The following MAD1L1 variants were observed in gnomAD, a reference collection of about 807,000 sequenced individuals.
The protein encoded by MAD1L1 is mitotic arrest deficient 1 like 1.
MAD1L1 carries 95 observed loss-of-function variants against 96.9 expected under a neutral mutation model. The ratio of observed to expected loss-of-function variants is 0.98; its 90% CI spans 0.83 to 1.16. The LOEUF is 1.16. Ranked by LOEUF, MAD1L1 falls within the 50% of genes most tolerant of loss-of-function variation. The pLI is 0.00. For missense variants in MAD1L1, 1,007 were observed against 954.4 expected, an observed-to-expected ratio of 1.06 and a Z score of -0.73; for synonymous variants, 473 against 396.6, an observed-to-expected ratio of 1.19 and a Z score of -2.29.
intron 10 of MAD1L1, among the ~76,000 whole-genome samples, chr7:2,156,210 T>A (rs1280773527): frequency 2.7e-5 from 4 of 148,542 alleles, no homozygotes; most frequent in African/African-American, 1.0e-4. Context: ...GGGCGCACGG[T>A]TTCACGGCGC....
At chr7:2,034,115 C>T (rs1783356033) in intron 12 of MAD1L1, among the ~76,000 whole-genome samples, 2 of 151,868 alleles carry the variant, frequency 1.3e-5, no homozygotes, top group Admixed American at 1.3e-4. Flanking sequence ...AAATAAATAA[C>T]AAATGAATCA....
intron 16 of MAD1L1, among the ~76,000 whole-genome samples, chr7:1,949,700 G>A (rs764185047): frequency 1.1e-4 from 16 of 152,244 alleles, no homozygotes; most frequent in Non-Finnish European, 1.9e-4. Flanking sequence ...TTTCTCTGCA[G>A]ATACGCCCAG....
intron 10 of MAD1L1, among the ~76,000 whole-genome samples, chr7:2,153,300 T>A (rs1405914830): frequency 6.6e-6 from 1 of 151,982 alleles, no homozygotes; most frequent in African/African-American, 2.4e-5. Context: ...AATAAGGGAC[T>A]AACATCCAAA....
chr7:1,829,614 G>A (rs1198047496), intron 18 of MAD1L1: 3 of 152,048 alleles, frequency 2.0e-5, no homozygotes, highest in Non-Finnish European at 2.9e-5. Context: ...GTTGCCAGTG[G>A]TGGGGACAGC....
chr7:2,163,321 C>T (rs778990285), intron 10 of MAD1L1, among the ~76,000 whole-genome samples: 3 of 152,146 alleles, frequency 2.0e-5, no homozygotes, highest in Non-Finnish European at 4.4e-5. Context: ...CACATGTTTT[C>T]AAAGAAACTT....
chr7:1,900,414 C>T (rs913553541), intron 17 of MAD1L1, among the ~76,000 whole-genome samples: 3 of 152,216 alleles, frequency 2.0e-5, no homozygotes, highest in African/African-American at 7.2e-5. Flanking sequence ...ACTGATTCAG[C>T]CCTCGCCCCA....
chr7:2,163,616 G>A (rs139674488), intron 10 of MAD1L1, among the ~76,000 whole-genome samples: 2 of 152,028 alleles, frequency 1.3e-5, no homozygotes, highest in South Asian at 2.1e-4. Context: ...CTCATGATCC[G>A]CCCGCCTTGG....
chr7:2,004,852 G>GA (rs1306694457), intron 13 of MAD1L1, among the ~76,000 whole-genome samples: 2 of 152,312 alleles, frequency 1.3e-5, no homozygotes, highest in African/African-American at 4.8e-5. Context: ...TCGATGGCTG[G>GA]AAAAAACAGA....
At chr7:2,033,430 C>T (rs1040165851) in intron 12 of MAD1L1, among the ~76,000 whole-genome samples, 3 of 152,364 alleles carry the variant, frequency 2.0e-5, no homozygotes, top group East Asian at 3.9e-4. Flanking sequence ...AAGACCAGCA[C>T]GCTTCGCCAC....
Position 2,213,223 on chromosome 7 carries a change from G to A in MAD1L1, c.975C>T (p.Gly325=). 1 of 1,614,132 alleles carries A rather than the reference G, an allele frequency of 6.2e-7. No homozygotes were observed. Among genetic ancestry groups the A allele is most frequent in the Non-Finnish European group, 8.5e-7 (1 of 1,180,026 alleles). Residue 325 remains glycine (G), a synonymous_variant, in exon 10 of 19, where the codon GGC becomes GGT. Transcript: ENST00000265854. ...CTGCCCTTCCCTACCTGATGCTCAGGCCCATGGTCTGGTCCAGTCTCTCCC... is the reference window on the plus strand; with the variant it reads ...CTGCCCTTCCCTACCTGATGCTCAGACCCATGGTCTGGTCCAGTCTCTCCC... The part of the protein sequence containing the change: ...QSWERLDQTM[G]LSIRTPEDLS...
At chr7:2,141,383 G>T (rs982571743) in intron 11 of MAD1L1, among the ~76,000 whole-genome samples, 1 of 152,208 alleles carries the variant, frequency 6.6e-6, no homozygotes, top group South Asian at 2.1e-4. Context: ...GATGGGGCTC[G>T]ATCTCAGGCC....
chr7:2,023,640 A>G (rs559413620), intron 12 of MAD1L1, among the ~76,000 whole-genome samples: 1 of 152,242 alleles, frequency 6.6e-6, no homozygotes, highest in African/African-American at 2.4e-5. Flanking sequence ...GAACAATGTA[A>G]GCCTAAAGCA....
At chr7:1,834,172 C>T (rs2128628682) in intron 18 of MAD1L1, among the ~76,000 whole-genome samples, 1 of 152,000 alleles carries the variant, frequency 6.6e-6, no homozygotes, top group Non-Finnish European at 1.5e-5. Context: ...TGGGATGCCA[C>T]TAGAGCAGAA....
intron 18 of MAD1L1, among the ~76,000 whole-genome samples, chr7:1,820,620 G>A (rs1047355314): frequency 1.3e-5 from 2 of 152,048 alleles, no homozygotes; most frequent in Non-Finnish European, 2.9e-5. Context: ...TCAGCCAGGT[G>A]TGGTGGCATA....
At chr7:2,150,406 AG>A (rs1377367363) in intron 10 of MAD1L1, among the ~76,000 whole-genome samples, 1 of 152,110 alleles carries the variant, frequency 6.6e-6, no homozygotes, top group Non-Finnish European at 1.5e-5. Context: ...GCCCTGAGAC[AG>A]CCACTGACCT....
At chr7:1,994,328 G>C (rs952733343) in intron 14 of MAD1L1, among the ~76,000 whole-genome samples, 1 of 152,162 alleles carries the variant, frequency 6.6e-6, no homozygotes, top group East Asian at 1.9e-4. Context: ...GCAGCAGCAC[G>C]GGTCCAGCTC....
At chr7:1,901,557 G>A (rs1787244315) in intron 17 of MAD1L1, among the ~76,000 whole-genome samples, 1 of 152,210 alleles carries the variant, frequency 6.6e-6, no homozygotes, top group African/African-American at 2.4e-5. Flanking sequence ...GCGAGACAGT[G>A]GTGCAGCCTT....
chr7:2,112,436 G>A (rs1303628468), intron 11 of MAD1L1, among the ~76,000 whole-genome samples: 3 of 152,206 alleles, frequency 2.0e-5, no homozygotes, highest in South Asian at 2.1e-4. Flanking sequence ...CTGAGAAAAC[G>A]CCACTTCCAC....
chr7:2,207,212 G>A (rs568803151), intron 10 of MAD1L1, among the ~76,000 whole-genome samples: 1 of 151,916 alleles, frequency 6.6e-6, no homozygotes, highest in Non-Finnish European at 1.5e-5. Flanking sequence ...TCCAATACAC[G>A]ACCACAGTAC....
Sources: allele counts gnomAD v4.1 joint callset (sites outside exome capture counted in the v4.1 genomes callset), GRCh38; gene constraint gnomAD v4.1.1; transcripts MANE v1.5; gene names NCBI Gene and HGNC (gene_info 2026-07-23, HGNC 2026-07-21).